The following GTF2I variants were observed in gnomAD, a reference collection of about 807,000 sequenced individuals.
GTF2I encodes the protein general transcription factor IIi.
A neutral mutation model predicts 67.6 loss-of-function variants in GTF2I; 12 were observed. That is an observed-to-expected ratio of 0.18 (90% CI 0.11 to 0.29). The LOEUF (loss-of-function observed/expected upper bound fraction) is 0.29. Ranked by LOEUF, GTF2I falls within the 10% of genes least tolerant of loss-of-function variation. The pLI is 1.00. For missense variants in GTF2I, 271 were observed against 580.1 expected (o/e 0.47, Z 5.47); for synonymous variants, 149 against 197.0 (o/e 0.76, Z 2.04).
chr7:74,697,576 ATCT>A (rs1183525188), intron 3 of GTF2I, among the ~76,000 whole-genome samples: 1 of 152,040 alleles, frequency 6.6e-6, no homozygotes, highest in African/African-American at 2.4e-5. Flanking sequence ...TGTGTCGATA[ATCT>A]TCTCATATTT....
At chr7:74,721,151 C>T (rs1792937035) in intron 12 of GTF2I, among the ~76,000 whole-genome samples, 3 of 152,242 alleles carry the variant, frequency 2.0e-5, no homozygotes, top group African/African-American at 7.2e-5. Context: ...AAGCGATTCT[C>T]CTGCCTCAGC....
intron 2 of GTF2I, 32 bp from the exon 3 acceptor site, chr7:74,690,941 C>T: frequency 6.3e-7 from 1 of 1,594,156 alleles, no homozygotes; most frequent in Non-Finnish European, 8.5e-7. Flanking sequence ...AAACGTCCGC[C>T]TGTAACATGA....
intron 14 of GTF2I, among the ~76,000 whole-genome samples, chr7:74,730,975 A>T (rs810368): frequency 8.7e-6 from 1 of 115,212 alleles, no homozygotes; most frequent in African/African-American, 3.3e-5. Flanking sequence ...CCAAAGTGCT[A>T]GCATTACAGG....
At chr7:74,686,532 G>A (rs187732889) in intron 1 of GTF2I, among the ~76,000 whole-genome samples, 171 of 152,306 alleles carry the variant, frequency 1.1e-3, no homozygotes, top group African/African-American at 3.6e-3. Context: ...AAGGAAAAGT[G>A]AGATTATGAA....
chr7:74,723,428 C>CTTTTTTTTTTTTT (rs58149301), intron 12 of GTF2I, among the ~76,000 whole-genome samples: 680 of 61,050 alleles, frequency 0.011, 205 homozygotes, highest in African/African-American at 0.049. Flanking sequence ...CTCCCGGCCT[C>CTTTTTTTTTTTTT]TTTTTTTTTT....
At chr7:74,681,358 C>G (rs1787251894) in intron 1 of GTF2I, among the ~76,000 whole-genome samples, 1 of 151,948 alleles carries the variant, frequency 6.6e-6, no homozygotes, top group Admixed American at 6.6e-5. Flanking sequence ...TTGCTTGAAC[C>G]TGGGAGGCAG....
intron 1 of GTF2I, among the ~76,000 whole-genome samples, chr7:74,659,190 T>C (rs1001504448): frequency 5.3e-5 from 8 of 152,192 alleles, no homozygotes; most frequent in African/African-American, 1.9e-4. Context: ...CCCATAGTGC[T>C]GGGATTACAG....
intron 6 of GTF2I, among the ~76,000 whole-genome samples, chr7:74,701,934 A>G (rs1789832398): frequency 6.6e-6 from 1 of 152,154 alleles, no homozygotes; most frequent in Admixed American, 6.5e-5. Context: ...TATGTATCCT[A>G]TTGAAATGAG....
intron 1 of GTF2I, among the ~76,000 whole-genome samples, chr7:74,661,485 G>T (rs1292599985): frequency 6.6e-6 from 1 of 152,102 alleles, no homozygotes; most frequent in Admixed American, 6.6e-5. Context: ...TTGGAGACCA[G>T]CCTGCCGACA....
At chr7:74,716,729 T>C in intron 10 of GTF2I, 165 bp from the exon 11 acceptor site, 1 of 533,606 alleles carries the variant, frequency 1.9e-6, no homozygotes, top group East Asian at 2.9e-5. Flanking sequence ...GTTGTATTCT[T>C]TTCTGAATTA....
At chr7:74,687,241 T>C (rs782092429) in intron 1 of GTF2I, among the ~76,000 whole-genome samples, 1 of 152,102 alleles carries the variant, frequency 6.6e-6, no homozygotes, top group Non-Finnish European at 1.5e-5. Context: ...TTTATTTTTT[T>C]TGAGGCGGAG....
intron 7 of GTF2I, 99 bp from the exon 8 acceptor site, chr7:74,706,291 A>T (rs782012614): frequency 6.4e-6 from 6 of 944,648 alleles, no homozygotes; most frequent in Non-Finnish European, 1.0e-5. Context: ...ACCTTGGTCA[A>T]GGGAGGGATC....
At position 74,714,908 on chromosome 7, in the gene GTF2I, C is replaced by T; in HGVS notation, c.815C>T (p.Pro272Leu). The T allele has an allele frequency of 6.2e-7, 1 of 1,600,798 alleles. No homozygotes were observed. Among genetic ancestry groups the T allele is most frequent in the Non-Finnish European group, 8.5e-7 (1 of 1,170,756 alleles). The change falls in exon 10 of 35, where the codon CCT becomes CTT. Residue 272 changes from proline to leucine, a missense_variant. Around this residue, in one of 9 missense-constraint regions of GTF2I, gnomAD observed 124 missense variants for 147.0 expected, o/e 0.84. Coordinates refer to ENST00000573035, the MANE Select transcript of GTF2I (RefSeq NM_032999.4). ...DVDEKQPLSKPLQGSHHSSEG... is the reference protein window; with the variant it reads ...DVDEKQPLSKLLQGSHHSSEG... ...GATGAAAAACAGCCCCTATCGAAGCCTTTGCAAGGTATAATCTTTTCACTT... is the reference window on the plus strand; with the variant it reads ...GATGAAAAACAGCCCCTATCGAAGCTTTTGCAAGGTATAATCTTTTCACTT...
chr7:74,660,509 T>C (rs1804380501), intron 1 of GTF2I, among the ~76,000 whole-genome samples: 1 of 152,178 alleles, frequency 6.6e-6, no homozygotes, highest in South Asian at 2.1e-4. Context: ...TTCTCTTATA[T>C]TGCATAGTCA....
rs587629751 is a variant in GTF2I at position 74,667,074 on chromosome 7, G to A, written c.-6+9006G>A. On this transcript the variant is annotated intron_variant, in intron 1 of 34. Coordinates refer to ENST00000573035, the MANE Select transcript of GTF2I (RefSeq NM_032999.4). Reference sequence around the variant, plus strand: ...GCAGGAGAATCACTTGAACCCTGGAGGCGGAGGTTGCAGTGAGCCAAGATC... The same window carrying A: ...GCAGGAGAATCACTTGAACCCTGGAAGCGGAGGTTGCAGTGAGCCAAGATC... Among the ~76,000 whole-genome samples, 832 of 152,274 alleles carry A rather than the reference G, an allele frequency of 5.5e-3. 9 individuals carry two copies. The highest frequency in any genetic ancestry group is 0.018 in the African/African-American group (738 of 41,552).
intron 1 of GTF2I, among the ~76,000 whole-genome samples, chr7:74,665,381 A>G (rs1804886407): frequency 2.6e-5 from 4 of 151,604 alleles, no homozygotes; most frequent in Admixed American, 2.6e-4. Flanking sequence ...CCTCCCGAGT[A>G]GCTGGAATTA....
rs925471230 is a variant in GTF2I at position 74,675,900 on chromosome 7, C to T, written c.-5-13224C>T. ...TGATGGGCGCCTATAGTCCCAGCTA[C>T]GCAGGAGGCTGAGGCAGGAGAATCG... On this transcript the variant is annotated intron_variant, in intron 1 of 34. Coordinates refer to ENST00000573035, the MANE Select transcript of GTF2I (RefSeq NM_032999.4). Among the ~76,000 whole-genome samples, 42 of 152,192 alleles carry T rather than the reference C, an allele frequency of 2.8e-4. 1 individual carries two copies. The highest frequency in any genetic ancestry group is 8.4e-4 in the African/African-American group (35 of 41,544).
intron 6 of GTF2I, 122 bp from the exon 7 acceptor site, chr7:74,705,042 T>G: frequency 1.5e-6 from 1 of 688,116 alleles, no homozygotes; most frequent in Non-Finnish European, 2.6e-6. Context: ...CAGTGTTTAT[T>G]CTGGTGTGAT....
chr7:74,724,484 A>G (rs1442738042), intron 12 of GTF2I, among the ~76,000 whole-genome samples: 2 of 152,202 alleles, frequency 1.3e-5, no homozygotes, highest in African/African-American at 4.8e-5. Flanking sequence ...GTATTCGTTA[A>G]TATGTTGCAA....
Sources: gnomAD v4.1 joint callset for allele counts (sites outside exome capture counted in the v4.1 genomes callset) on GRCh38, gnomAD v4.1.1 for gene constraint, gnomAD v4.1.1 regional missense constraint, MANE v1.5 for transcripts, NCBI Gene and HGNC (gene_info 2026-07-23, HGNC 2026-07-21) for gene names.